The following NID1 variants were observed in gnomAD, a reference collection of about 807,000 sequenced individuals.
NID1 encodes the protein nidogen-1.
NID1 carries 76 observed loss-of-function variants against 130.6 expected under a neutral mutation model. The ratio of observed to expected loss-of-function variants is 0.58; its 90% CI spans 0.48 to 0.70. The LOEUF (loss-of-function observed/expected upper bound fraction) is 0.70. Ranked by LOEUF, NID1 falls within the 30% of genes least tolerant of loss-of-function variation. NID1 has a pLI of 0.00. For synonymous variants in NID1, 665 were observed against 675.1 expected (o/e 0.98, Z 0.23); for missense variants, 1,517 against 1,664.8 (o/e 0.91, Z 1.54).
chr1:235,977,384 A>C lies in NID1; in HGVS notation c.*483T>G, dbSNP rs1207559449. ...AAGAAATTCAGAGCACCAAAACAAA[A>C]CATTAAGGAATGCTAATTTCCTCCT... On this transcript the variant is annotated 3_prime_UTR_variant, in exon 20 of 20. Transcript: ENST00000264187. 2 of 156,888 alleles carry C rather than the reference A, an allele frequency of 1.3e-5. No homozygotes were observed. Among genetic ancestry groups the C allele is most frequent in the Non-Finnish European group, 2.8e-5 (2 of 70,584 alleles). 9.7% of individuals were successfully genotyped at this position (156,888 alleles called of 1,614,324 possible).
intron 5 of NID1, among the ~76,000 whole-genome samples, chr1:236,035,672 A>C (rs746443688): frequency 2.6e-5 from 4 of 152,162 alleles, no homozygotes; most frequent in Non-Finnish European, 5.9e-5. Flanking sequence ...GAATAGCCCT[A>C]GGCAGGGGCT....
chr1:235,981,955 A>C (rs1300977409), intron 15 of NID1, among the ~76,000 whole-genome samples, 173 bp from the exon 16 acceptor site: 1 of 152,246 alleles, frequency 6.6e-6, no homozygotes, highest in East Asian at 1.9e-4. Context: ...TCAAAGTGAC[A>C]AATTCAAAAA....
At chr1:236,013,356 C>T in intron 11 of NID1, 55 bp downstream of exon 11, 1 of 1,595,130 alleles carries the variant, frequency 6.3e-7, no homozygotes, top group Non-Finnish European at 8.6e-7. Context: ...TGACAGGTAC[C>T]ACCTAGGAAA....
chr1:235,979,895 C>G lies in NID1; in HGVS notation c.3436G>C (p.Ala1146Pro). ...AAAGGATACTGGAGCCCTTCGAGAG[C>G]CTTGCGTCTGCTGGGCTGACTGGGG... ...LNPSQPSRRK[A>P]LEGLQYPFAV... is the part of the protein sequence containing the mutation. The change falls in exon 18 of 20, where the codon GCT becomes CCT. Residue 1146 changes from alanine to proline, a missense_variant. Coordinates refer to ENST00000264187, the MANE Select transcript of NID1 (RefSeq NM_002508.3). The surrounding 1 kb of genome is among the most constrained non-coding windows in gnomAD (Gnocchi z 4.6). 6.2e-7 allele frequency: 1 copy of G among 1,614,152 alleles called. No homozygotes were observed. Among genetic ancestry groups the G allele is most frequent in the East Asian group, 2.2e-5 (1 of 44,870 alleles).
chr1:235,980,407 T>G, intron 17 of NID1, 89 bp downstream of exon 17: 2 of 1,342,596 alleles, frequency 1.5e-6, no homozygotes, highest in Non-Finnish European at 2.1e-6. Flanking sequence ...AACAGGTGGC[T>G]GGTTAGATTT....
chr1:236,039,147 TATA>T (rs927761389), intron 4 of NID1, among the ~76,000 whole-genome samples: 6 of 144,260 alleles, frequency 4.2e-5, no homozygotes, highest in African/African-American at 7.6e-5. Context: ...TATATTACAT[TATA>T]ATACATTATA....
intron 7 of NID1, among the ~76,000 whole-genome samples, chr1:236,027,859 C>CA (rs904048720): frequency 3.3e-5 from 5 of 150,504 alleles, no homozygotes; most frequent in Non-Finnish European, 7.4e-5. Flanking sequence ...AAAACAAAAA[C>CA]AAAAAAAACG....
intron 10 of NID1, 144 bp downstream of exon 10, chr1:236,017,004 C>CTA: frequency 9.7e-7 from 1 of 1,026,812 alleles, no homozygotes; most frequent in Non-Finnish European, 1.5e-6. Context: ...AGGGCAGAGG[C>CTA]TAAGTCTGAT....
chr1:235,984,378 G>A (rs370499491), intron 15 of NID1, among the ~76,000 whole-genome samples: 19 of 152,174 alleles, frequency 1.2e-4, no homozygotes, highest in East Asian at 1.2e-3. Context: ...CATTCCTGCC[G>A]CATCATCTTT....
At chr1:236,047,126 A>C (rs1380153505) in intron 2 of NID1, among the ~76,000 whole-genome samples, 1 of 152,184 alleles carries the variant, frequency 6.6e-6, no homozygotes, top group African/African-American at 2.4e-5. Flanking sequence ...AAAAACAAAA[A>C]CAAAAACAAA....
At position 236,041,900 on chromosome 1, in the gene NID1, A is replaced by G. The variant is rs1190349902; in HGVS notation, c.1135+10T>C. On this transcript the variant is annotated intron_variant, in intron 4 of 19. Transcript: ENST00000264187. ...AAGATCGTTACCAACTGCAACTTAA[A>G]TGGTCTTACCAACTCCTGTTTCCTC... 6.3e-7 allele frequency: 1 copy of G among 1,593,020 alleles called. No individual in the cohort carries two copies. Among genetic ancestry groups the G allele is most frequent in the Non-Finnish European group, 8.6e-7 (1 of 1,167,504 alleles).
At chr1:236,055,865 C>A (rs939443218) in intron 1 of NID1, among the ~76,000 whole-genome samples, 7 of 151,888 alleles carry the variant, frequency 4.6e-5, no homozygotes, top group African/African-American at 1.7e-4. Context: ...TTAGGGTGTA[C>A]AACGCGATTT....
chr1:236,063,491 T>TA (rs201821690), intron 1 of NID1, among the ~76,000 whole-genome samples: 2,409 of 149,066 alleles, frequency 0.016, 57 homozygotes, highest in African/African-American at 0.045. Context: ...AATAAATAAA[T>TA]AAATAAATAA....
chr1:236,032,660 A>G lies in NID1; in HGVS notation c.1286-8T>C. 6.2e-7 allele frequency: 1 copy of G among 1,613,768 alleles called. No homozygotes were observed. The highest frequency in any genetic ancestry group is 1.7e-5 in the Admixed American group (1 of 59,950). On this transcript the variant is annotated splice_region_variant and splice_polypyrimidine_tract_variant and intron_variant, in intron 5 of 19. Coordinates refer to ENST00000264187, the MANE Select transcript of NID1 (RefSeq NM_002508.3). ...TGACTCGCTGGGGGGAACCTGAGCAAGAAAACAAAGAAAGAATATAGAGAT... is the reference window on the plus strand; with the variant it reads ...TGACTCGCTGGGGGGAACCTGAGCAGGAAAACAAAGAAAGAATATAGAGAT...
At position 235,976,594 on chromosome 1, in the gene NID1, T is replaced by A. The variant is rs1048311; in HGVS notation, c.*1273A>T. 5.9e-5 allele frequency: 9 copies of A among 152,182 alleles called. No homozygotes were observed. Among genetic ancestry groups the A allele is most frequent in the African/African-American group, 2.2e-4 (9 of 41,506 alleles). 9.4% of individuals were successfully genotyped at this position (152,182 alleles called of 1,614,324 possible). ...TCCAAAATTTCTATTGTTTTAGGAC[T>A]CTGGGAAGCAGTTGATAAAAAGATA... On this transcript the variant is annotated 3_prime_UTR_variant, in exon 20 of 20. Transcript: ENST00000264187.
intron 11 of NID1, 125 bp downstream of exon 11, chr1:236,013,286 T>C (rs1204729349): frequency 9.6e-7 from 1 of 1,039,832 alleles, no homozygotes; most frequent in African/African-American, 1.6e-5. Flanking sequence ...ACACATTTAC[T>C]CTGTGGAGAT....
At chr1:236,048,287 A>T (rs900697496) in intron 2 of NID1, among the ~76,000 whole-genome samples, 1 of 151,988 alleles carries the variant, frequency 6.6e-6, no homozygotes, top group African/African-American at 2.4e-5. Flanking sequence ...GTGAGCCAAG[A>T]TCGTGCCACT....
At chr1:236,041,362 G>A (rs781683405) in intron 4 of NID1, among the ~76,000 whole-genome samples, 42 of 152,028 alleles carry the variant, frequency 2.8e-4, no homozygotes, top group East Asian at 3.9e-4. Context: ...CACCACCCCC[G>A]ACCCTATTTT....
At chr1:236,043,405 C>T (rs976410430) in intron 3 of NID1, among the ~76,000 whole-genome samples, 7 of 151,928 alleles carry the variant, frequency 4.6e-5, no homozygotes, top group African/African-American at 7.3e-5. Flanking sequence ...GTAGGACACC[C>T]GGCTGGTGTG....
Sources: gnomAD v4.1 joint callset for allele counts (sites outside exome capture counted in the v4.1 genomes callset) on GRCh38, gnomAD v4.1.1 for gene constraint, Gnocchi (gnomAD v3.1) non-coding constraint, MANE v1.5 for transcripts, NCBI Gene and HGNC (gene_info 2026-07-23, HGNC 2026-07-21) for gene names.